MAP3K9: variants seen among roughly 807,000 people sequenced by gnomAD.
MAP3K9 encodes the protein mixed lineage kinase 1 (tyr and ser/thr specificity).
MAP3K9 carries 46 observed loss-of-function variants against 95.8 expected under a neutral mutation model. The ratio of observed to expected loss-of-function variants is 0.48; its 90% CI spans 0.38 to 0.61. MAP3K9 has a LOEUF of 0.61. Among genes scored for constraint, MAP3K9 ranks in the 20% least tolerant of loss-of-function variants. The probability of loss-of-function intolerance (pLI) is 0.00; values close to 1 mark genes in which losing one functional copy is unlikely to be tolerated. For synonymous variants in MAP3K9, 533 were observed against 593.8 expected, an observed-to-expected ratio of 0.90 and a Z score of 1.49; for missense variants, 1,296 against 1,474.3, an observed-to-expected ratio of 0.88 and a Z score of 1.98.
At chr14:70,770,876 T>C (rs1239277199) in intron 2 of MAP3K9, among the ~76,000 whole-genome samples, 1 of 152,158 alleles carries the variant, frequency 6.6e-6, no homozygotes. Context: ...TTCGGTGGTG[T>C]GTACTCTCCA....
At chr14:70,735,796 C>T (rs1444477821) in intron 9 of MAP3K9, among the ~76,000 whole-genome samples, 165 bp downstream of exon 9, 2 of 152,094 alleles carry the variant, frequency 1.3e-5, no homozygotes, top group Non-Finnish European at 2.9e-5. Flanking sequence ...CAGGAATTTT[C>T]CCAAGGTGCA....
At chr14:70,762,369 G>A (rs1379690807) in intron 2 of MAP3K9, among the ~76,000 whole-genome samples, 1 of 152,096 alleles carries the variant, frequency 6.6e-6, no homozygotes, top group East Asian at 1.9e-4. Flanking sequence ...GACTATGGGG[G>A]TTTCAATTTC....
Position 70,802,946 on chromosome 14 carries a change from G to A in MAP3K9, c.407-1866C>T, listed in dbSNP as rs149979969. On this transcript the variant is annotated intron_variant, in intron 1 of 11. Coordinates refer to ENST00000554752, the MANE Select transcript of MAP3K9 (RefSeq NM_001284230.2). ...ATGTAAGCCCCAGTGCTGGCGGTGGGGCCTGGTGGGAGGTGTTTGGGTCAT... is the reference window on the plus strand; with the variant it reads ...ATGTAAGCCCCAGTGCTGGCGGTGGAGCCTGGTGGGAGGTGTTTGGGTCAT... Among the ~76,000 whole-genome samples the A allele has an allele frequency of 5.1e-3, 781 of 152,148 alleles. 30 individuals are homozygous for A. The highest frequency in any genetic ancestry group is 0.032 in the Admixed American group (491 of 15,280).
chr14:70,792,425 A>G (rs1009737175), intron 2 of MAP3K9, among the ~76,000 whole-genome samples: 4 of 152,234 alleles, frequency 2.6e-5, no homozygotes, highest in African/African-American at 9.6e-5. Flanking sequence ...TCATTTGGAG[A>G]GGCCTCCATG....
chr14:70,760,551 A>G (rs1594785414), intron 3 of MAP3K9, among the ~76,000 whole-genome samples: 3 of 152,320 alleles, frequency 2.0e-5, no homozygotes, highest in Non-Finnish European at 4.4e-5. Context: ...GATTGCACAA[A>G]GAACATTCAT....
chr14:70,765,765 A>C (rs373710954), intron 2 of MAP3K9, among the ~76,000 whole-genome samples: 2 of 82,880 alleles, frequency 2.4e-5, no homozygotes, highest in Admixed American at 2.5e-4. Flanking sequence ...AAAAAACAAA[A>C]AAAAAAAAAC....
At chr14:70,746,683 T>C (rs1257490202) in intron 5 of MAP3K9, among the ~76,000 whole-genome samples, 1 of 152,246 alleles carries the variant, frequency 6.6e-6, no homozygotes, top group African/African-American at 2.4e-5. Flanking sequence ...ACAATTATTA[T>C]CTCATTAAAT....
At chr14:70,785,782 T>TCA (rs748867115) in intron 2 of MAP3K9, among the ~76,000 whole-genome samples, 10 of 152,166 alleles carry the variant, frequency 6.6e-5, no homozygotes, top group Non-Finnish European at 1.0e-4. Context: ...AGGATGTGAT[T>TCA]CACATCCCAC....
At chr14:70,772,654 G>A (rs1002321121) in intron 2 of MAP3K9, among the ~76,000 whole-genome samples, 1 of 151,742 alleles carries the variant, frequency 6.6e-6, no homozygotes, top group Admixed American at 6.6e-5. Context: ...TTCAAAATAT[G>A]TCCTTTCAGC....
Position 70,725,592 on chromosome 14 carries a change from G to A in MAP3K9, c.*4788C>T, listed in dbSNP as rs960133721. The stretch of plus-strand genomic sequence containing the variant: ...AAGCCCAGGACTGAGGTCCTCTCCA[G>A]AAATAGCAATGGATTTTCCTTTCAT... On this transcript the variant is annotated 3_prime_UTR_variant, in exon 12 of 12. Coordinates refer to ENST00000554752, the MANE Select transcript of MAP3K9 (RefSeq NM_001284230.2). 2 of 152,180 alleles carry A rather than the reference G, an allele frequency of 1.3e-5. No individual in the cohort carries two copies. Among genetic ancestry groups the A allele is most frequent in the Non-Finnish European group, 1.5e-5 (1 of 68,020 alleles). The allele number at this position is 152,180 out of a possible 1,614,324, so 9.4% of individuals were successfully genotyped here.
chr14:70,754,812 C>T (rs931610606), intron 3 of MAP3K9, among the ~76,000 whole-genome samples: 2 of 152,110 alleles, frequency 1.3e-5, no homozygotes, highest in Non-Finnish European at 2.9e-5. Context: ...AAGACAATGC[C>T]TCCACCTCAT....
At chr14:70,760,016 A>G (rs1280668804) in intron 3 of MAP3K9, among the ~76,000 whole-genome samples, 1 of 151,790 alleles carries the variant, frequency 6.6e-6, no homozygotes, top group East Asian at 1.9e-4. Flanking sequence ...TTACCCTCCC[A>G]AAGTCCTGGG....
At chr14:70,782,294 G>A (rs916050677) in intron 2 of MAP3K9, among the ~76,000 whole-genome samples, 12 of 152,164 alleles carry the variant, frequency 7.9e-5, no homozygotes, top group African/African-American at 2.7e-4. Flanking sequence ...GCAATAGCAG[G>A]CACGTCAATT....
chr14:70,800,568 C>G, intron 2 of MAP3K9, 99 bp downstream of exon 2: 4 of 1,231,496 alleles, frequency 3.2e-6, no homozygotes, highest in Non-Finnish European at 4.6e-6. Context: ...AGGAGTTTCA[C>G]TGCCCTCTAA....
chr14:70,809,377 C>A lies in MAP3K9; in HGVS notation c.-206G>T. 2 of 575,400 alleles carry A rather than the reference C, an allele frequency of 3.5e-6. No homozygotes were observed. The highest frequency in any genetic ancestry group is 5.1e-6 in the Non-Finnish European group (2 of 391,280). 35.6% of individuals were successfully genotyped at this position (575,400 alleles called of 1,614,324 possible). A position where few individuals can be genotyped will look rare whatever the true frequency, so the allele number is the denominator to read the frequency against. ...GAGCGCCGAGCGCGAGCTCTTCGCGCAGCCTAGGGGCGCAGCGGGCCGAGT... is the reference window on the plus strand; with the variant it reads ...GAGCGCCGAGCGCGAGCTCTTCGCGAAGCCTAGGGGCGCAGCGGGCCGAGT... On this transcript the variant is annotated 5_prime_UTR_variant, in exon 1 of 12. Coordinates refer to ENST00000554752, the MANE Select transcript of MAP3K9 (RefSeq NM_001284230.2).
chr14:70,739,943 T>C (rs760111646), intron 7 of MAP3K9, 99 bp downstream of exon 7: 56 of 1,613,932 alleles, frequency 3.5e-5, no homozygotes, highest in Non-Finnish European at 8.5e-7. Context: ...TGGCAGAAGT[T>C]ATGGATGGAG....
intron 3 of MAP3K9, among the ~76,000 whole-genome samples, chr14:70,750,738 C>T (rs1234360135): frequency 2.6e-5 from 4 of 152,114 alleles, no homozygotes; most frequent in South Asian, 2.1e-4. Context: ...CCTCCCGCCT[C>T]GGCCTCTCAA....
At chr14:70,737,066 A>G (rs189544388) in intron 8 of MAP3K9, among the ~76,000 whole-genome samples, 16 of 152,332 alleles carry the variant, frequency 1.1e-4, no homozygotes, top group African/African-American at 3.6e-4. Flanking sequence ...GAAAGTCACT[A>G]AAAAATGTGG....
intron 1 of MAP3K9, among the ~76,000 whole-genome samples, chr14:70,808,011 A>G (rs552125744): frequency 6.6e-6 from 1 of 152,322 alleles, no homozygotes; most frequent in East Asian, 1.9e-4. Flanking sequence ...TTTCCCAAAC[A>G]GCCTCACTGT....
Sources: gnomAD v4.1 joint callset for allele counts (sites outside exome capture counted in the v4.1 genomes callset) on GRCh38, gnomAD v4.1.1 for gene constraint, MANE v1.5 for transcripts, NCBI Gene and HGNC (gene_info 2026-07-23, HGNC 2026-07-21) for gene names.